LPIN2: variants seen among roughly 807,000 people sequenced by gnomAD.
LPIN2 encodes phosphatidate phosphatase LPIN2.
A neutral mutation model predicts 111.4 loss-of-function variants in LPIN2; 55 were observed. The observed-to-expected ratio is 0.49, with a 90% CI of 0.40 to 0.62. LPIN2 has a LOEUF of 0.62. Among genes scored for constraint, LPIN2 ranks in the 20% least tolerant of loss-of-function variants. The pLI, the probability that LPIN2 is intolerant of heterozygous loss-of-function variation, is 0.00. For synonymous variants in LPIN2, 425 were observed against 414.0 expected, an observed-to-expected ratio of 1.03 and a Z score of -0.32; for missense variants, 992 against 1,112.1, an observed-to-expected ratio of 0.89 and a Z score of 1.54.
At chr18:2,957,629 T>G (rs1374346665) in intron 2 of LPIN2, among the ~76,000 whole-genome samples, 3 of 152,094 alleles carry the variant, frequency 2.0e-5, no homozygotes, top group African/African-American at 7.2e-5. Context: ...TACTGATACT[T>G]CTGTAGGAAG....
Position 2,920,275 on chromosome 18 carries a change from A to C in LPIN2, c.*18T>G. The C allele has an allele frequency of 1.2e-6, 2 of 1,613,856 alleles. No individual in the cohort carries two copies. The highest frequency in any genetic ancestry group is 1.7e-6 in the Non-Finnish European group (2 of 1,179,976). ...TGGGGAGGGGGACCAAGCCCTGCCC[A>C]CCCACTGAGGTGCCGCCTCAAGACA... On this transcript the variant is annotated 3_prime_UTR_variant, in exon 20 of 20. Coordinates refer to ENST00000677752, the MANE Select transcript of LPIN2 (RefSeq NM_001375808.2).
intron 4 of LPIN2, among the ~76,000 whole-genome samples, chr18:2,941,070 G>A (rs984503816): frequency 1.3e-5 from 2 of 152,132 alleles, no homozygotes; most frequent in Non-Finnish European, 2.9e-5. Context: ...AGTAATCAAG[G>A]ATCCAGAGAA....
chr18:2,958,158 C>CAAAAAAAAAAAAAAAAAAAAAAAA (rs1555678271), intron 2 of LPIN2, among the ~76,000 whole-genome samples: 1 of 35,352 alleles, frequency 2.8e-5, no homozygotes, highest in Non-Finnish European at 5.2e-5. Context: ...AAAAAAAAAA[C>CAAAAAAAAAAAAAAAAAAAAAAAA]AACAAAAAAA....
intron 1 of LPIN2, among the ~76,000 whole-genome samples, chr18:3,004,555 G>A (rs1255017769): frequency 6.6e-6 from 1 of 152,134 alleles, no homozygotes; most frequent in African/African-American, 2.4e-5. Context: ...TCTACTCACA[G>A]TCCAGTGCCA....
intron 3 of LPIN2, among the ~76,000 whole-genome samples, chr18:2,952,552 A>AT (rs1285047622): frequency 6.6e-6 from 1 of 152,214 alleles, no homozygotes; most frequent in Non-Finnish European, 1.5e-5. Flanking sequence ...TTTGATAAAC[A>AT]TATTACCCTG....
chr18:2,936,443 G>A (rs915470323), intron 7 of LPIN2, among the ~76,000 whole-genome samples: 1 of 152,146 alleles, frequency 6.6e-6, no homozygotes, highest in Non-Finnish European at 1.5e-5. Flanking sequence ...ACCAAGAGTT[G>A]GATGTTTTCT....
At chr18:2,943,555 G>T (rs2077398907) in intron 4 of LPIN2, among the ~76,000 whole-genome samples, 1 of 152,124 alleles carries the variant, frequency 6.6e-6, no homozygotes. Flanking sequence ...TTAAGATACT[G>T]TTTAGGGGAA....
chr18:2,920,185 C>T lies in LPIN2; in HGVS notation c.*108G>A, dbSNP rs2077031392. 1.4e-6 allele frequency: 2 copies of T among 1,470,662 alleles called. No individual in the cohort carries two copies. The highest frequency in any genetic ancestry group is 2.3e-5 in the East Asian group (1 of 43,694). The allele number at this position is 1,470,662 out of a possible 1,614,324, so 91.1% of individuals were successfully genotyped here. A position where few individuals can be genotyped will look rare whatever the true frequency, so the allele number is the denominator to read the frequency against. On this transcript the variant is annotated 3_prime_UTR_variant, in exon 20 of 20. Coordinates refer to ENST00000677752, the MANE Select transcript of LPIN2 (RefSeq NM_001375808.2). ...GATGGCGGGACCAGCTCCAGAAGCACCCGTCCCCGCTGGGGAAGGCTGGTA... is the reference window on the plus strand; with the variant it reads ...GATGGCGGGACCAGCTCCAGAAGCATCCGTCCCCGCTGGGGAAGGCTGGTA...
intron 1 of LPIN2, among the ~76,000 whole-genome samples, chr18:2,979,350 G>C (rs2078071159): frequency 6.6e-6 from 1 of 152,168 alleles, no homozygotes; most frequent in African/African-American, 2.4e-5. Context: ...TCAGGACCAA[G>C]TATCCAGGCA....
chr18:3,003,555 T>C (rs1598614337), intron 1 of LPIN2, among the ~76,000 whole-genome samples: 1 of 152,392 alleles, frequency 6.6e-6, no homozygotes. Context: ...TTCTTAAGCC[T>C]GTCTTTACTG....
At chr18:2,992,827 CA>C (rs978516421) in intron 1 of LPIN2, among the ~76,000 whole-genome samples, 17 of 150,710 alleles carry the variant, frequency 1.1e-4, no homozygotes, top group African/African-American at 3.9e-4. Flanking sequence ...ACTAAAAATA[CA>C]AAAAAAAATT....
rs191090179 is a variant in LPIN2 at position 2,953,474 on chromosome 18, A to G, written c.288+1030T>C. Among the ~76,000 whole-genome samples, 10 of 152,350 alleles carry G rather than the reference A, an allele frequency of 6.6e-5. No individual in the cohort carries two copies. In the East Asian group the frequency reaches 1.7e-3, roughly 26 times the overall value. ...AAACAAGGTATTACAAAGATAAGTA[A>G]TGAAGAAACTAGAAAAAGCACCAGT... On this transcript the variant is annotated intron_variant, in intron 3 of 19. Coordinates refer to ENST00000677752, the MANE Select transcript of LPIN2 (RefSeq NM_001375808.2).
intron 3 of LPIN2, 26 bp downstream of exon 3, chr18:2,954,476 AAG>A: frequency 6.5e-7 from 1 of 1,530,190 alleles, no homozygotes; most frequent in Non-Finnish European, 9.1e-7. Flanking sequence ...CACACTGTGT[AAG>A]GAGGGTGTAA....
chr18:2,922,801 A>G (rs1191624826), intron 16 of LPIN2, among the ~76,000 whole-genome samples: 2 of 152,248 alleles, frequency 1.3e-5, no homozygotes, highest in Non-Finnish European at 2.9e-5. Flanking sequence ...GAGGACAGAA[A>G]AAACCTTGGA....
intron 1 of LPIN2, chr18:2,967,608 AAGG>A (rs2077828426): frequency 6.6e-6 from 1 of 152,242 alleles, no homozygotes; most frequent in African/African-American, 2.4e-5. Flanking sequence ...CAAAGAACGA[AAGG>A]AGGTTACAAC....
chr18:2,973,248 T>C (rs2077952795), intron 1 of LPIN2, among the ~76,000 whole-genome samples: 1 of 151,980 alleles, frequency 6.6e-6, no homozygotes, highest in Non-Finnish European at 1.5e-5. Flanking sequence ...CCTTTTGTAG[T>C]GTACAGTTGT....
intron 1 of LPIN2, among the ~76,000 whole-genome samples, chr18:2,990,069 A>ATT (rs1235099018): frequency 6.6e-6 from 1 of 152,224 alleles, no homozygotes; most frequent in Non-Finnish European, 1.5e-5. Flanking sequence ...AATCCACTGC[A>ATT]TGGCGGAAGG....
chr18:2,921,913 C>T, intron 17 of LPIN2, 134 bp downstream of exon 17: 1 of 1,273,282 alleles, frequency 7.9e-7, no homozygotes, highest in Non-Finnish European at 1.1e-6. Flanking sequence ...TAGGACACCA[C>T]CAGGGACCAA....
chr18:2,989,298 C>T (rs1304178091), intron 1 of LPIN2, among the ~76,000 whole-genome samples: 1 of 151,188 alleles, frequency 6.6e-6, no homozygotes, highest in Non-Finnish European at 1.5e-5. Context: ...AAACATTATG[C>T]AATGCATCTA....
Sources: allele counts gnomAD v4.1 joint callset (sites outside exome capture counted in the v4.1 genomes callset), GRCh38; gene constraint gnomAD v4.1.1; transcripts MANE v1.5; gene names NCBI Gene and HGNC (gene_info 2026-07-23, HGNC 2026-07-21).